Variants in SPAG17 observed in about 807,000 individuals in gnomAD.
SPAG17 encodes the protein sperm-associated antigen 17.
Under a neutral mutation model 273.6 loss-of-function variants are expected in SPAG17, and 169 were observed. That is an observed-to-expected ratio of 0.62 (90% confidence interval 0.55 to 0.70). The LOEUF (loss-of-function observed/expected upper bound fraction) is 0.70, where lower values mean the gene tolerates loss of function less well. Ranked by LOEUF, SPAG17 falls within the 30% of genes least tolerant of loss-of-function variation. The pLI, the probability that SPAG17 is intolerant of heterozygous loss-of-function variation, is 0.00. For synonymous variants in SPAG17, 825 were observed against 873.2 expected (o/e 0.94, Z 0.97); for missense variants, 2,557 against 2,627.8 (o/e 0.97, Z 0.59).
At chr1:118,129,262 A>G (rs1427859222) in intron 3 of SPAG17, among the ~76,000 whole-genome samples, 1 of 152,268 alleles carries the variant, frequency 6.6e-6, no homozygotes, top group Non-Finnish European at 1.5e-5. Flanking sequence ...TAGAAGATGA[A>G]CAAATTGATA....
At chr1:118,184,633 C>T (rs957099314) in intron 1 of SPAG17, among the ~76,000 whole-genome samples, 8 of 152,184 alleles carry the variant, frequency 5.3e-5, no homozygotes, top group African/African-American at 1.9e-4. Context: ...ATTCTAGGCA[C>T]TCCGTGTCTG....
intron 18 of SPAG17, among the ~76,000 whole-genome samples, chr1:118,060,668 T>A (rs191212632): frequency 1.9e-4 from 29 of 152,312 alleles, no homozygotes; most frequent in Non-Finnish European, 1.5e-5. Flanking sequence ...GTTTTTCATT[T>A]CAACTTGACA....
chr1:118,121,232 C>A (rs1184263807), intron 3 of SPAG17, among the ~76,000 whole-genome samples: 1 of 151,994 alleles, frequency 6.6e-6, no homozygotes, highest in Non-Finnish European at 1.5e-5. Context: ...AGGGCTGGAG[C>A]CAAACAAAGG....
chr1:118,004,750 C>G (rs1168611847), intron 32 of SPAG17, among the ~76,000 whole-genome samples: 1 of 152,208 alleles, frequency 6.6e-6, no homozygotes, highest in East Asian at 1.9e-4. Flanking sequence ...AGGGAAATCC[C>G]CTGACACCTT....
At chr1:118,013,243 A>C (rs1185630243) in intron 29 of SPAG17, among the ~76,000 whole-genome samples, 1 of 152,204 alleles carries the variant, frequency 6.6e-6, no homozygotes, top group Non-Finnish European at 1.5e-5. Flanking sequence ...TGTTTCACTG[A>C]AGGTCTGGAT....
rs747732113 is a variant in SPAG17 at position 118,045,360 on chromosome 1, C to T, written c.2815-3318G>A. Among the ~76,000 whole-genome samples, 94 of 152,172 alleles carry T rather than the reference C, an allele frequency of 6.2e-4. 3 individuals are homozygous for T. Among genetic ancestry groups the T allele is most frequent in the Non-Finnish European group, 1.6e-4 (11 of 68,030 alleles). ...CAGAGATTGAGTTAATAATCTATCACGCCCACATAACGAAACCTCCGTAAA... is the reference window on the plus strand; with the variant it reads ...CAGAGATTGAGTTAATAATCTATCATGCCCACATAACGAAACCTCCGTAAA... On this transcript the variant is annotated intron_variant, in intron 20 of 48. Coordinates refer to ENST00000336338, the MANE Select transcript of SPAG17 (RefSeq NM_206996.4).
chr1:118,030,226 T>C (rs895461409), intron 25 of SPAG17, among the ~76,000 whole-genome samples: 1 of 152,060 alleles, frequency 6.6e-6, no homozygotes, highest in Non-Finnish European at 1.5e-5. Context: ...ACAGAGGCAA[T>C]GACATATTTA....
rs1459580535 is a variant in SPAG17 at position 118,150,525 on chromosome 1, A to G, written c.315+18T>C. The G allele has an allele frequency of 2.9e-6, 4 of 1,399,770 alleles. No homozygotes were observed. The allele number at this position is 1,399,770 out of a possible 1,614,324, so 86.7% of individuals were successfully genotyped here. A position where few individuals can be genotyped will look rare whatever the true frequency, so the allele number is the denominator to read the frequency against. On this transcript the variant is annotated intron_variant, in intron 3 of 48. Coordinates refer to ENST00000336338, the MANE Select transcript of SPAG17 (RefSeq NM_206996.4). ...TTCTAAAAACACAAAAATATCTTCTATAAACACTTTCACTTACCTCATAAT... is the reference window on the plus strand; with the variant it reads ...TTCTAAAAACACAAAAATATCTTCTGTAAACACTTTCACTTACCTCATAAT...
chr1:118,039,450 G>A lies in SPAG17; in HGVS notation c.3167-6C>T, dbSNP rs1649478819. On this transcript the variant is annotated splice_region_variant and splice_polypyrimidine_tract_variant and intron_variant, in intron 22 of 48. Coordinates refer to ENST00000336338, the MANE Select transcript of SPAG17 (RefSeq NM_206996.4). ...CACTTTGATAAAAGTTGGGCCTGAG[G>A]AGGAACCATAGAATAGAAGATGGGC... 8 of 1,612,910 alleles carry A rather than the reference G, an allele frequency of 5.0e-6. No individual in the cohort carries two copies. The East Asian group carries it at 1.6e-4, about 31-fold the overall frequency.
chr1:118,022,707 T>C (rs1486707595), intron 28 of SPAG17, among the ~76,000 whole-genome samples: 1 of 152,154 alleles, frequency 6.6e-6, no homozygotes, highest in Non-Finnish European at 1.5e-5. Context: ...TTTTCCCTGC[T>C]AGTAGTGCTG....
intron 1 of SPAG17, among the ~76,000 whole-genome samples, chr1:118,165,237 G>A (rs1660107188): frequency 6.6e-6 from 1 of 152,120 alleles, no homozygotes; most frequent in Admixed American, 6.5e-5. Flanking sequence ...AATCTAGGTT[G>A]GGGCCTAAGG....
chr1:118,036,880 A>G lies in SPAG17; in HGVS notation c.3323T>C (p.Val1108Ala). Residue 1108 changes from valine (V) to alanine (A), a missense_variant, in exon 24 of 49, where the codon GTA becomes GCA. By Grantham distance (64) the Val-to-Ala change is moderately conservative. Transcript: ENST00000336338. ...GDEEQSLETE[V>A]SDAKNKAFSK... The stretch of plus-strand genomic sequence containing the variant: ...GAAAGCTTTATTCTTTGCATCTGAT[A>G]CTTCTAAAATACAAAATCGAATCAA... 1.9e-6 allele frequency: 3 copies of G among 1,546,930 alleles called. No individual in the cohort carries two copies. Among genetic ancestry groups the G allele is most frequent in the Non-Finnish European group, 2.6e-6 (3 of 1,141,570 alleles).
At chr1:118,060,013 G>A (rs756040961) in intron 18 of SPAG17, among the ~76,000 whole-genome samples, 12 of 151,924 alleles carry the variant, frequency 7.9e-5, no homozygotes, top group Non-Finnish European at 1.6e-4. Context: ...TTATTGATTT[G>A]TATATATTGA....
At chr1:118,075,841 C>CT (rs1276724888) in intron 15 of SPAG17, among the ~76,000 whole-genome samples, 1 of 152,048 alleles carries the variant, frequency 6.6e-6, no homozygotes, top group Non-Finnish European at 1.5e-5. Flanking sequence ...AGCTGTTCAC[C>CT]TTTTTCAGAC....
chr1:118,098,766 G>A (rs1186953892), intron 6 of SPAG17, among the ~76,000 whole-genome samples: 2 of 152,054 alleles, frequency 1.3e-5, no homozygotes, highest in Non-Finnish European at 2.9e-5. Context: ...CCTTAGCATT[G>A]AGCCTAGTCC....
chr1:118,182,892 A>C (rs184436835), intron 1 of SPAG17, among the ~76,000 whole-genome samples: 4 of 152,308 alleles, frequency 2.6e-5, no homozygotes, highest in African/African-American at 9.6e-5. Context: ...TTAGTGATAG[A>C]ATGCTTTGTA....
At chr1:118,180,696 T>G (rs949374865) in intron 1 of SPAG17, among the ~76,000 whole-genome samples, 1 of 152,184 alleles carries the variant, frequency 6.6e-6, no homozygotes. Flanking sequence ...AATTATGACA[T>G]GTACCTCTAA....
At chr1:118,091,773 C>T (rs1655389211) in intron 9 of SPAG17, 55 bp from the exon 10 acceptor site, 5 of 1,392,846 alleles carry the variant, frequency 3.6e-6, no homozygotes, top group South Asian at 1.2e-5. Context: ...CCATTATTTC[C>T]ATCAAAATTT....
chr1:118,066,377 T>C (rs1372659465), intron 18 of SPAG17, among the ~76,000 whole-genome samples: 1 of 152,156 alleles, frequency 6.6e-6, no homozygotes, highest in Non-Finnish European at 1.5e-5. Context: ...GTTCCCCAGA[T>C]AAAATAGAGT....
Sources: allele counts gnomAD v4.1 joint callset (sites outside exome capture counted in the v4.1 genomes callset), GRCh38; gene constraint gnomAD v4.1.1; transcripts MANE v1.5; gene names NCBI Gene and HGNC (gene_info 2026-07-23, HGNC 2026-07-21).